The following GDPD1 variants were observed in gnomAD, a reference collection of about 807,000 sequenced individuals.
GDPD1 encodes the protein lysophospholipase D GDPD1.
GDPD1 carries 28 observed loss-of-function variants against 45.1 expected under a neutral mutation model. The observed-to-expected ratio is 0.62, with a 90% CI of 0.46 to 0.85. The LOEUF is 0.85. Ranked by LOEUF, GDPD1 falls within the 40% of genes least tolerant of loss-of-function variation. The pLI is 0.00. For missense variants in GDPD1, 256 were observed against 364.8 expected, an observed-to-expected ratio of 0.70 and a Z score of 2.43; for synonymous variants, 139 against 131.4, an observed-to-expected ratio of 1.06 and a Z score of -0.40.
chr17:59,268,689 T>A (rs2047420417), intron 7 of GDPD1, among the ~76,000 whole-genome samples: 1 of 149,828 alleles, frequency 6.7e-6, no homozygotes, highest in Non-Finnish European at 1.5e-5. Flanking sequence ...TCAATAAAGG[T>A]AATGACTTGG....
intron 4 of GDPD1, among the ~76,000 whole-genome samples, chr17:59,255,805 A>ATATATACGCG (rs1856997319): frequency 9.7e-6 from 1 of 103,162 alleles, no homozygotes; most frequent in Non-Finnish European, 1.9e-5. Context: ...ATGTATATAT[A>ATATATACGCG]TATATACGCG....
intron 7 of GDPD1, among the ~76,000 whole-genome samples, chr17:59,269,720 G>A (rs2047430436): frequency 1.3e-5 from 2 of 152,060 alleles, no homozygotes; most frequent in African/African-American, 2.4e-5. Flanking sequence ...CTACTCAGGA[G>A]GCTGAGGCAG....
rs942301154 is a variant in GDPD1, at chr17:59,257,938, A to G, written c.576+98A>G. 20 of 719,780 alleles carry G rather than the reference A, an allele frequency of 2.8e-5. No homozygotes were observed. In the Admixed American group the frequency reaches 2.9e-4, roughly 11 times the overall value. 44.6% of individuals were successfully genotyped at this position (719,780 alleles called of 1,614,324 possible). The stretch of plus-strand genomic sequence containing the variant: ...AGTAATAATTTTTTTTCTTTTTCTT[A>G]TTTTTAGAGATAGGGTCTCACCCTG... On this transcript the variant is annotated intron_variant, in intron 6 of 9. Coordinates refer to ENST00000284116, the MANE Select transcript of GDPD1 (RefSeq NM_182569.4).
chr17:59,254,536 TA>T (rs2047282035), intron 4 of GDPD1, among the ~76,000 whole-genome samples: 1 of 152,184 alleles, frequency 6.6e-6, no homozygotes, highest in Admixed American at 6.6e-5. Flanking sequence ...TCTCAAAATA[TA>T]TATACATATA....
At chr17:59,246,719 A>C (rs1302440894) in intron 3 of GDPD1, among the ~76,000 whole-genome samples, 1 of 149,998 alleles carries the variant, frequency 6.7e-6, no homozygotes, top group African/African-American at 2.4e-5. Flanking sequence ...CAAAAAAAAA[A>C]AAAAAAAAAA....
chr17:59,273,902 G>C lies in GDPD1; in HGVS notation c.*129G>C, dbSNP rs1786917495. The C allele has an allele frequency of 8.8e-7, 1 of 1,137,990 alleles. No homozygotes were observed. The highest frequency in any genetic ancestry group is 3.6e-5 in the South Asian group (1 of 27,430). The allele number at this position is 1,137,990 out of a possible 1,614,324, so 70.5% of individuals were successfully genotyped here. On this transcript the variant is annotated 3_prime_UTR_variant, in exon 10 of 10. Transcript: ENST00000284116. ...TCAGTTTTTATTACCTCATTTTTAA[G>C]CCTGTATGAGAATGTAGAAACTATA...
At chr17:59,233,644 G>T (rs1046513229) in intron 1 of GDPD1, among the ~76,000 whole-genome samples, 1 of 151,782 alleles carries the variant, frequency 6.6e-6, no homozygotes, top group Non-Finnish European at 1.5e-5. Flanking sequence ...ATGTTACTTA[G>T]TTACCCTGAA....
intron 4 of GDPD1, among the ~76,000 whole-genome samples, chr17:59,255,878 C>CACGTATATATATATAT (rs1568347075): frequency 8.4e-4 from 105 of 125,354 alleles, no homozygotes; most frequent in African/African-American, 3.6e-3. Context: ...TATATATACA[C>CACGTATATATATATAT]ACACACACAC....
At chr17:59,270,329 G>A (rs544274749) in intron 7 of GDPD1, among the ~76,000 whole-genome samples, 2 of 151,630 alleles carry the variant, frequency 1.3e-5, no homozygotes, top group East Asian at 1.9e-4. Context: ...GAGTAGCTGT[G>A]ATTACAGGTG....
chr17:59,238,994 A>G (rs1422551875), intron 2 of GDPD1, among the ~76,000 whole-genome samples: 1 of 152,204 alleles, frequency 6.6e-6, no homozygotes, highest in Non-Finnish European at 1.5e-5. Context: ...TCAAGGGCTA[A>G]TAAAACTAGG....
rs56936442 is a variant in GDPD1, at chr17:59,260,060, C to CAAAAAAA, written c.576+2254_576+2260dup. Reference sequence around the variant, plus strand: ...TGGGTGACGGAGCCAGACCCTGTCTCAAAAAAAAAAAAAAAAAAAAAAAAA... The same window carrying CAAAAAAA: ...TGGGTGACGGAGCCAGACCCTGTCTCAAAAAAAAAAAAAAAAAAAAAAAAAAAAAAAA... On this transcript the variant is annotated intron_variant, in intron 6 of 9. Transcript: ENST00000284116. 5.5e-3 allele frequency among the ~76,000 whole-genome samples: 142 copies of CAAAAAAA among 25,854 alleles called. 44 individuals carry two copies. The highest frequency in any genetic ancestry group is 8.1e-3 in the Non-Finnish European group (117 of 14,516). 17.0% of individuals were successfully genotyped at this position (25,854 alleles called of 152,430 possible). A position where few individuals can be genotyped will look rare whatever the true frequency, so the allele number is the denominator to read the frequency against.
chr17:59,264,335 C>G lies in GDPD1; in HGVS notation c.577-2706C>G, dbSNP rs992577320. On this transcript the variant is annotated intron_variant, in intron 6 of 9. Transcript: ENST00000284116. ...TTTTGAGACAGAGTCTCACTCTTGC[C>G]CACACTGGGGTGCAGTGGCACGATC... Among the ~76,000 whole-genome samples the G allele has an allele frequency of 2.7e-4, 41 of 151,968 alleles. 1 individual carries two copies. Among genetic ancestry groups the G allele is most frequent in the African/African-American group, 9.7e-4 (40 of 41,422 alleles).
chr17:59,221,813 TAGG>T (rs1364808195), intron 1 of GDPD1, among the ~76,000 whole-genome samples: 1 of 152,200 alleles, frequency 6.6e-6, no homozygotes, highest in Non-Finnish European at 1.5e-5. Flanking sequence ...TGATAATTTC[TAGG>T]AGTTTACAGT....
At chr17:59,254,424 G>A (rs1269875319) in intron 4 of GDPD1, among the ~76,000 whole-genome samples, 1 of 151,632 alleles carries the variant, frequency 6.6e-6, no homozygotes, top group Non-Finnish European at 1.5e-5. Context: ...TCAGCTATTT[G>A]GAGGCTGAGG....
chr17:59,259,566 C>CAAAAA (rs71367681), intron 6 of GDPD1, among the ~76,000 whole-genome samples: 2 of 24,850 alleles, frequency 8.0e-5, no homozygotes, highest in African/African-American at 1.8e-4. Flanking sequence ...GACTCTGTCT[C>CAAAAA]AAAAAAAAAA....
In GDPD1 at chr17:59,257,842, TA is replaced by T; in HGVS notation, c.576+4del. ...ATTGTAGAAAAGTGCTACAAAGAGG[TA>T]AGCTTCAAAAATGATACAGAATTAT... On this transcript the variant is annotated splice_donor_region_variant and intron_variant, in intron 6 of 9. Coordinates refer to ENST00000284116, the MANE Select transcript of GDPD1 (RefSeq NM_182569.4). The T allele has an allele frequency of 6.4e-7, 1 of 1,558,862 alleles. No individual in the cohort carries two copies. The highest frequency in any genetic ancestry group is 8.8e-7 in the Non-Finnish European group (1 of 1,136,570).
chr17:59,236,681 TA>T (rs1293168694), intron 2 of GDPD1, among the ~76,000 whole-genome samples: 5 of 152,134 alleles, frequency 3.3e-5, no homozygotes, highest in Non-Finnish European at 5.9e-5. Context: ...TTTATCTATT[TA>T]TTTTTTTAAT....
intron 2 of GDPD1, 36 bp from the exon 3 acceptor site, chr17:59,245,378 T>C (rs766995546): frequency 3.2e-6 from 5 of 1,582,044 alleles, no homozygotes; most frequent in Non-Finnish European, 4.3e-6. Context: ...AATGTATACT[T>C]AAGTGTCAGA....
chr17:59,273,160 C>G (rs2047456658), intron 9 of GDPD1: 1 of 165,106 alleles, frequency 6.1e-6, no homozygotes, highest in South Asian at 2.0e-4. Context: ...TGGAGTCTCA[C>G]TCTGTCACCC....
Sources: allele counts gnomAD v4.1 joint callset (sites outside exome capture counted in the v4.1 genomes callset), GRCh38; gene constraint gnomAD v4.1.1; transcripts MANE v1.5; gene names NCBI Gene and HGNC (gene_info 2026-07-23, HGNC 2026-07-21).